Variants in CADM2 observed in about 807,000 individuals in gnomAD.
The protein encoded by CADM2 is immunoglobulin superfamily member 4D.
In CADM2, 12 loss-of-function variants were observed where a neutral mutation model predicts 49.8. The ratio of observed to expected loss-of-function variants is 0.24; its 90% CI spans 0.15 to 0.39. The LOEUF is 0.39. CADM2 is among the 10% of genes least tolerant of loss of function. CADM2 has a pLI of 1.00. For missense variants in CADM2, 378 were observed against 492.3 expected, an observed-to-expected ratio of 0.77 and a Z score of 2.20; for synonymous variants, 214 against 175.4, an observed-to-expected ratio of 1.22 and a Z score of -1.74.
intron 1 of CADM2, among the ~76,000 whole-genome samples, chr3:85,618,211 A>T (rs1255388969): frequency 6.6e-6 from 1 of 152,156 alleles, no homozygotes; most frequent in Admixed American, 6.6e-5. Flanking sequence ...TACAGCCTCA[A>T]AACTGGAATT....
intron 1 of CADM2, among the ~76,000 whole-genome samples, chr3:85,547,335 G>A (rs937481069): frequency 6.6e-6 from 1 of 152,158 alleles, no homozygotes. Context: ...TATACAGTGC[G>A]ATGGATGGCA....
At chr3:85,921,932 A>G (rs1172498678) in intron 6 of CADM2, among the ~76,000 whole-genome samples, 2 of 152,040 alleles carry the variant, frequency 1.3e-5, no homozygotes, top group Non-Finnish European at 2.9e-5. Flanking sequence ...ATTTTGCAGG[A>G]TGTAATCTCT....
At chr3:85,593,251 T>G (rs1323743949) in intron 1 of CADM2, among the ~76,000 whole-genome samples, 1 of 152,044 alleles carries the variant, frequency 6.6e-6, no homozygotes, top group African/African-American at 2.4e-5. Context: ...TATGTATACA[T>G]GTGCCATGTT....
At chr3:85,901,221 A>G (rs1716078011) in intron 5 of CADM2, among the ~76,000 whole-genome samples, 1 of 152,118 alleles carries the variant, frequency 6.6e-6, no homozygotes, top group African/African-American at 2.4e-5. Context: ...GCAAAAACAA[A>G]CAAACATAAA....
At chr3:85,422,667 C>T (rs749839876) in intron 1 of CADM2, among the ~76,000 whole-genome samples, 1 of 151,994 alleles carries the variant, frequency 6.6e-6, no homozygotes, top group Non-Finnish European at 1.5e-5. Flanking sequence ...AAGATTTTTG[C>T]GTATATGTAT....
At chr3:85,180,189 G>T (rs568656490) in intron 1 of CADM2, among the ~76,000 whole-genome samples, 1 of 152,120 alleles carries the variant, frequency 6.6e-6, no homozygotes, top group South Asian at 2.1e-4. Flanking sequence ...AGAAATTACA[G>T]AATTGGCAAA....
intron 1 of CADM2, among the ~76,000 whole-genome samples, chr3:85,208,922 T>C (rs1191203373): frequency 6.6e-6 from 1 of 152,144 alleles, no homozygotes; most frequent in Non-Finnish European, 1.5e-5. Context: ...TCTCTAGTAT[T>C]CATCTTAACA....
intron 6 of CADM2, among the ~76,000 whole-genome samples, chr3:85,913,736 A>G (rs1369524747): frequency 6.6e-6 from 1 of 152,224 alleles, no homozygotes; most frequent in Non-Finnish European, 1.5e-5. Context: ...TAAATGGAAC[A>G]TATCACATGT....
At chr3:85,105,547 G>A (rs2038184065) in intron 1 of CADM2, among the ~76,000 whole-genome samples, 1 of 152,160 alleles carries the variant, frequency 6.6e-6, no homozygotes, top group Non-Finnish European at 1.5e-5. Context: ...AATTCCTCAG[G>A]GATCTAGAAC....
At chr3:85,831,042 C>T (rs2074162798) in intron 3 of CADM2, among the ~76,000 whole-genome samples, 1 of 151,780 alleles carries the variant, frequency 6.6e-6, no homozygotes, top group South Asian at 2.1e-4. Context: ...TCGTTATGTT[C>T]ATGCGTACTC....
chr3:86,036,498 A>G (rs1291547491), intron 8 of CADM2, among the ~76,000 whole-genome samples: 2 of 152,082 alleles, frequency 1.3e-5, no homozygotes, highest in East Asian at 1.9e-4. Context: ...GTGAAAATGG[A>G]AAATCATTTC....
chr3:85,177,240 C>T (rs1171351715), intron 1 of CADM2, among the ~76,000 whole-genome samples: 1 of 152,084 alleles, frequency 6.6e-6, no homozygotes, highest in Non-Finnish European at 1.5e-5. Context: ...AATCCAGTAG[C>T]AACTCCTAGT....
At chr3:85,190,393 C>A (rs1576079281) in intron 1 of CADM2, among the ~76,000 whole-genome samples, 1 of 152,040 alleles carries the variant, frequency 6.6e-6, no homozygotes, top group African/African-American at 2.4e-5. Flanking sequence ...AGTTTTATAA[C>A]CACACTTTCT....
intron 5 of CADM2, among the ~76,000 whole-genome samples, chr3:85,904,004 A>C (rs1054462309): frequency 5.3e-5 from 8 of 152,024 alleles, no homozygotes; most frequent in African/African-American, 1.9e-4. Context: ...GTTTTCTTTT[A>C]TAAACTATGG....
intron 1 of CADM2, among the ~76,000 whole-genome samples, chr3:85,677,951 A>G (rs1048995184): frequency 6.6e-6 from 1 of 152,232 alleles, no homozygotes; most frequent in Non-Finnish European, 1.5e-5. Context: ...GAAAGCATAA[A>G]ATATAAAAAC....
chr3:85,502,376 G>T (rs536294422), intron 1 of CADM2, among the ~76,000 whole-genome samples: 1 of 151,932 alleles, frequency 6.6e-6, no homozygotes, highest in Admixed American at 6.6e-5. Context: ...TACTTTGGTC[G>T]TTGGCTACTC....
intron 1 of CADM2, among the ~76,000 whole-genome samples, chr3:85,372,834 T>C (rs1310726675): frequency 6.6e-6 from 1 of 152,054 alleles, no homozygotes; most frequent in Non-Finnish European, 1.5e-5. Flanking sequence ...TGCAGGGGAA[T>C]TGCCCTTCAT....
intron 1 of CADM2, among the ~76,000 whole-genome samples, chr3:85,061,125 T>G (rs919156463): frequency 6.6e-6 from 1 of 152,176 alleles, no homozygotes; most frequent in Non-Finnish European, 1.5e-5. Flanking sequence ...AGTCATACTT[T>G]CCTTGTGACT....
At chr3:85,094,229 T>C (rs2037708241) in intron 1 of CADM2, among the ~76,000 whole-genome samples, 1 of 152,214 alleles carries the variant, frequency 6.6e-6, no homozygotes, top group South Asian at 2.1e-4. Flanking sequence ...TATAAATAAA[T>C]TCCTCCTAGG....
Sources: gnomAD v4.1 joint callset for allele counts (sites outside exome capture counted in the v4.1 genomes callset) on GRCh38, gnomAD v4.1.1 for gene constraint, MANE v1.5 for transcripts, NCBI Gene and HGNC (gene_info 2026-07-23, HGNC 2026-07-21) for gene names.